Variants in CNTRL observed in about 807,000 individuals in gnomAD.
The protein encoded by CNTRL is 110 kDa centrosomal protein.
CNTRL carries 233 observed loss-of-function variants against 303.7 expected under a neutral mutation model. The ratio of observed to expected loss-of-function variants is 0.77; its 90% CI spans 0.69 to 0.86. CNTRL has a LOEUF of 0.86. Ranked by LOEUF, CNTRL falls within the 40% of genes least tolerant of loss-of-function variation. CNTRL has a pLI of 0.00. For synonymous variants in CNTRL, 900 were observed against 922.2 expected, an observed-to-expected ratio of 0.98 and a Z score of 0.44; for missense variants, 2,524 against 2,650.6, an observed-to-expected ratio of 0.95 and a Z score of 1.05.
rs1046513564 is a variant in CNTRL, at chr9:121,141,325, A to C, written c.2484-56A>C. ...GAGCTAAAGTTAATAGCATGTTTGC[A>C]GCCAGCATCAAAAATTAAATGTCAC... On this transcript the variant is annotated intron_variant, in intron 17 of 43. Transcript: ENST00000373855. 1.2e-5 allele frequency: 16 copies of C among 1,343,078 alleles called. No homozygotes were observed. The African/African-American group carries it at 2.3e-4, about 19-fold the overall frequency. 83.2% of individuals were successfully genotyped at this position (1,343,078 alleles called of 1,614,324 possible).
intron 1 of CNTRL, among the ~76,000 whole-genome samples, chr9:121,075,735 A>T (rs760118220): frequency 2.6e-5 from 4 of 152,146 alleles, no homozygotes; most frequent in Non-Finnish European, 5.9e-5. Flanking sequence ...GGTGTTCACT[A>T]TTTGTCAGAT....
intron 3 of CNTRL, among the ~76,000 whole-genome samples, chr9:121,089,844 G>T (rs2048487150): frequency 6.6e-6 from 1 of 152,052 alleles, no homozygotes; most frequent in East Asian, 1.9e-4. Context: ...TTTAGTAAGT[G>T]ATGATATTAA....
intron 10 of CNTRL, 101 bp downstream of exon 10, chr9:121,113,825 G>T: frequency 1.5e-6 from 1 of 676,658 alleles, no homozygotes; most frequent in Non-Finnish European, 2.2e-6. Flanking sequence ...CATGTTGATG[G>T]TATTGTTTCC....
chr9:121,169,648 G>A lies in CNTRL; in HGVS notation c.6108G>A (p.Glu2036=), dbSNP rs754044545. The part of the protein sequence containing the change: ...QLSEREQQLV[E]KSGELLALQK... ...CAGAAAGGGAGCAGCAATTGGTGGA[G>A]AAATCAGGTGAGCTGTTGGCCCTCC... The change falls in exon 39 of 44, where the codon GAG becomes GAA. Residue 2036 remains glutamate (E), a synonymous_variant. Transcript: ENST00000373855. 1 of 1,614,184 alleles carries A rather than the reference G, an allele frequency of 6.2e-7. No homozygotes were observed. Among genetic ancestry groups the A allele is most frequent in the Non-Finnish European group, 8.5e-7 (1 of 1,180,028 alleles).
intron 7 of CNTRL, among the ~76,000 whole-genome samples, chr9:121,105,224 T>C (rs1055669197): frequency 5.3e-5 from 8 of 152,148 alleles, no homozygotes; most frequent in African/African-American, 1.9e-4. Flanking sequence ...TGATCCAGGT[T>C]GGAAACGTTT....
intron 14 of CNTRL, among the ~76,000 whole-genome samples, chr9:121,128,467 C>T (rs987872736): frequency 9.2e-5 from 14 of 152,138 alleles, no homozygotes; most frequent in South Asian, 2.1e-4. Context: ...CTATTCGTAT[C>T]CTTTGCCCCC....
intron 38 of CNTRL, 136 bp downstream of exon 38, chr9:121,168,457 T>G: frequency 5.9e-6 from 4 of 676,286 alleles, no homozygotes; most frequent in Non-Finnish European, 1.0e-5. Flanking sequence ...GCAGGAGGTA[T>G]GATAGCCCTG....
At chr9:121,116,496 A>AT (rs1225809194) in intron 11 of CNTRL, among the ~76,000 whole-genome samples, 2 of 151,640 alleles carry the variant, frequency 1.3e-5, no homozygotes, top group African/African-American at 2.4e-5. Context: ...AATTTTTTAT[A>AT]TTTTTTTGTA....
At position 121,160,177 on chromosome 9, in the gene CNTRL, A is replaced by G; in HGVS notation, c.4964A>G (p.Gln1655Arg). Reference protein sequence around the residue: ...VKSLLEELSFQKGELNVQISE... With the variant: ...VKSLLEELSFRKGELNVQISE... ...TCTCTTCTGGAAGAACTGAGTTTTC[A>G]GAAAGGAGAACTAAATGTTCAGATT... Residue 1655 changes from glutamine to arginine, a missense_variant, in exon 32 of 44, where the codon CAG (glutamine) becomes CGG (arginine). Physicochemically the swap from Gln to Arg is conservative, Grantham distance 43. Transcript: ENST00000373855. The G allele has an allele frequency of 6.6e-7, 1 of 1,523,248 alleles. No individual in the cohort carries two copies. The highest frequency in any genetic ancestry group is 8.8e-7 in the Non-Finnish European group (1 of 1,142,626). The allele number at this position is 1,523,248 out of a possible 1,614,324, so 94.4% of individuals were successfully genotyped here.
At chr9:121,148,405 C>T (rs925811930) in intron 23 of CNTRL, among the ~76,000 whole-genome samples, 2 of 152,180 alleles carry the variant, frequency 1.3e-5, no homozygotes, top group South Asian at 2.1e-4. Context: ...CCAGCCATTA[C>T]CCACATAGCC....
chr9:121,111,471 C>T (rs1000057480), intron 8 of CNTRL, among the ~76,000 whole-genome samples: 3 of 152,040 alleles, frequency 2.0e-5, no homozygotes, highest in African/African-American at 4.8e-5. Context: ...AAATCATGCA[C>T]GACTTTGATT....
At chr9:121,091,333 A>G (rs1321375108) in intron 4 of CNTRL, among the ~76,000 whole-genome samples, 1 of 152,216 alleles carries the variant, frequency 6.6e-6, no homozygotes, top group East Asian at 1.9e-4. Flanking sequence ...AGGGTGAAGA[A>G]CTAAATGAAA....
chr9:121,158,137 A>C, intron 30 of CNTRL, 28 bp downstream of exon 30: 1 of 1,611,026 alleles, frequency 6.2e-7, no homozygotes, highest in African/African-American at 1.3e-5. Context: ...TTGAAAAAAC[A>C]ACTGACACAG....
At chr9:121,160,972 C>G (rs2052817175) in intron 32 of CNTRL, among the ~76,000 whole-genome samples, 1 of 152,180 alleles carries the variant, frequency 6.6e-6, no homozygotes. Context: ...GAGGAAGACC[C>G]TGTTCCACCA....
At chr9:121,106,496 G>T (rs960141254) in intron 7 of CNTRL, among the ~76,000 whole-genome samples, 1 of 152,146 alleles carries the variant, frequency 6.6e-6, no homozygotes, top group Non-Finnish European at 1.5e-5. Flanking sequence ...AAAGATATGT[G>T]CAGGTGTGGG....
chr9:121,148,452 G>A (rs913973684), intron 23 of CNTRL, among the ~76,000 whole-genome samples: 9 of 152,136 alleles, frequency 5.9e-5, no homozygotes, highest in African/African-American at 1.7e-4. Flanking sequence ...CTGCCATGTC[G>A]ATCAAGTCCA....
chr9:121,093,672 C>T (rs1047913088), intron 4 of CNTRL, among the ~76,000 whole-genome samples: 6 of 152,176 alleles, frequency 3.9e-5, no homozygotes, highest in Non-Finnish European at 8.8e-5. Context: ...GAAATCTGAA[C>T]ATATTGAATA....
intron 13 of CNTRL, among the ~76,000 whole-genome samples, chr9:121,125,434 C>T (rs12237013): frequency 0.082 from 12,454 of 152,210 alleles, 1,207 homozygotes; most frequent in African/African-American, 0.22. Flanking sequence ...GCTGGGATTA[C>T]AGGCTTGAAC....
intron 1 of CNTRL, among the ~76,000 whole-genome samples, chr9:121,079,043 A>G (rs959684904): frequency 8.5e-5 from 13 of 152,142 alleles, no homozygotes; most frequent in African/African-American, 2.7e-4. Context: ...CCCTCTTTCT[A>G]GTGACCAGCC....
Sources: allele counts gnomAD v4.1 joint callset (sites outside exome capture counted in the v4.1 genomes callset), GRCh38; gene constraint gnomAD v4.1.1; transcripts MANE v1.5; gene names NCBI Gene and HGNC (gene_info 2026-07-23, HGNC 2026-07-21).